The following DLG2 variants were observed in gnomAD, a reference collection of about 807,000 sequenced individuals.
The protein encoded by DLG2 is discs large MAGUK scaffold protein 2, also known as disks large homolog 2.
DLG2 carries 45 observed loss-of-function variants against 132.5 expected under a neutral mutation model. The observed-to-expected ratio is 0.34, with a 90% CI of 0.27 to 0.44. DLG2 has a LOEUF of 0.44. DLG2 is among the 20% of genes least tolerant of loss of function. DLG2 has a pLI of 1.00. For missense variants in DLG2, 1,045 were observed against 1,196.9 expected, an observed-to-expected ratio of 0.87 and a Z score of 1.87; for synonymous variants, 424 against 419.6, an observed-to-expected ratio of 1.01 and a Z score of -0.13.
At chr11:85,620,827 AAGC>A (rs1037630243) in intron 2 of DLG2, among the ~76,000 whole-genome samples, 6 of 152,270 alleles carry the variant, frequency 3.9e-5, no homozygotes, top group Admixed American at 1.3e-4. Flanking sequence ...GTGCAAGGTG[AAGC>A]AGCAAGTGCT....
At chr11:85,338,473 G>C (rs2082274084) in intron 3 of DLG2, among the ~76,000 whole-genome samples, 1 of 152,000 alleles carries the variant, frequency 6.6e-6, no homozygotes, top group Middle Eastern at 3.4e-3. Flanking sequence ...ATACAATTAG[G>C]TTCATTTCTT....
intron 6 of DLG2, among the ~76,000 whole-genome samples, chr11:84,949,316 G>A (rs7116405): frequency 0.38 from 57,791 of 151,926 alleles, 11,439 homozygotes; most frequent in East Asian, 0.65. Context: ...GGCAGGGCGA[G>A]ATCACAGGAC....
chr11:84,215,651 A>T (rs1469627573), intron 8 of DLG2, among the ~76,000 whole-genome samples: 3 of 152,182 alleles, frequency 2.0e-5, no homozygotes, highest in African/African-American at 4.8e-5. Flanking sequence ...GAGGTGCAGT[A>T]ATGATGTTAC....
intron 6 of DLG2, among the ~76,000 whole-genome samples, chr11:84,986,818 A>C (rs1319924446): frequency 1.3e-5 from 2 of 152,162 alleles, no homozygotes; most frequent in Non-Finnish European, 2.9e-5. Context: ...CTGAATGGAG[A>C]AAAGTTGAAA....
intron 3 of DLG2, among the ~76,000 whole-genome samples, chr11:85,575,243 G>A (rs923503654): frequency 1.3e-5 from 2 of 151,758 alleles, no homozygotes; most frequent in African/African-American, 4.8e-5. Context: ...TTCTCAATCA[G>A]GACTGATTGA....
chr11:85,531,749 GAC>G (rs757858048), intron 3 of DLG2, among the ~76,000 whole-genome samples: 2 of 152,126 alleles, frequency 1.3e-5, no homozygotes, highest in Non-Finnish European at 2.9e-5. Context: ...GGTGGAGAAA[GAC>G]ACACGCTGCA....
At position 85,254,006 on chromosome 11, in the gene DLG2, G is replaced by A. The variant is rs78315016; in HGVS notation, c.186+31214C>T. 2.1e-3 allele frequency among the ~76,000 whole-genome samples: 327 copies of A among 152,196 alleles called. 2 individuals are homozygous for A. Among genetic ancestry groups the A allele is most frequent in the African/African-American group, 6.2e-3 (258 of 41,538 alleles). On this transcript the variant is annotated intron_variant, in intron 4 of 27. Coordinates refer to ENST00000376104, the MANE Select transcript of DLG2 (RefSeq NM_001142699.3). ...CTTGGGTTTTTATGGGCACAGGATC[G>A]GGGGCAGGACAGGCATTGGATGGTT...
intron 3 of DLG2, among the ~76,000 whole-genome samples, chr11:85,345,355 C>G (rs908442532): frequency 5.9e-5 from 9 of 152,064 alleles, no homozygotes; most frequent in Non-Finnish European, 8.8e-5. Flanking sequence ...TTCAAAAGAA[C>G]AGGCAAGTAC....
chr11:85,366,280 C>T (rs2152908282), intron 3 of DLG2, among the ~76,000 whole-genome samples: 1 of 152,126 alleles, frequency 6.6e-6, no homozygotes, highest in East Asian at 1.9e-4. Context: ...TTCATCACTG[C>T]CTATTTTTTA....
intron 3 of DLG2, among the ~76,000 whole-genome samples, chr11:85,351,265 A>G (rs1454453264): frequency 6.6e-6 from 1 of 152,152 alleles, no homozygotes; most frequent in East Asian, 1.9e-4. Context: ...ATTTTTTATC[A>G]GTCAAACTTT....
intron 8 of DLG2, among the ~76,000 whole-genome samples, chr11:84,210,842 A>C (rs1338090386): frequency 6.6e-6 from 1 of 152,200 alleles, no homozygotes; most frequent in Non-Finnish European, 1.5e-5. Flanking sequence ...GGGAGGGCAC[A>C]GACTGAAAAA....
At chr11:84,982,020 T>C (rs965645935) in intron 6 of DLG2, among the ~76,000 whole-genome samples, 2 of 152,266 alleles carry the variant, frequency 1.3e-5, no homozygotes, top group Admixed American at 6.5e-5. Flanking sequence ...GGCAATACTT[T>C]CTACATTTTT....
chr11:85,572,202 T>G (rs535049749), intron 3 of DLG2, among the ~76,000 whole-genome samples: 5 of 152,170 alleles, frequency 3.3e-5, no homozygotes, highest in Non-Finnish European at 7.3e-5. Flanking sequence ...TACTCTGCCA[T>G]TTTTCCAGCT....
chr11:83,582,736 G>C (rs1205684207), intron 19 of DLG2, among the ~76,000 whole-genome samples: 2 of 152,186 alleles, frequency 1.3e-5, no homozygotes, highest in Non-Finnish European at 2.9e-5. Context: ...GGGAAGATTA[G>C]ATAAGTAGTA....
intron 7 of DLG2, among the ~76,000 whole-genome samples, chr11:84,383,407 C>T (rs190336033): frequency 6.6e-6 from 1 of 152,114 alleles, no homozygotes; most frequent in Admixed American, 6.5e-5. Context: ...TGATTGGCAT[C>T]TAAATAATAT....
At chr11:85,539,789 G>C (rs1476510640) in intron 3 of DLG2, among the ~76,000 whole-genome samples, 1 of 152,160 alleles carries the variant, frequency 6.6e-6, no homozygotes, top group African/African-American at 2.4e-5. Flanking sequence ...TAGTACAGGG[G>C]TTACAAGAGC....
At position 84,502,272 on chromosome 11, in the gene DLG2, TTCCTTCC is replaced by T. The variant is rs1567804837; in HGVS notation, c.519+32291_519+32297del. On this transcript the variant is annotated intron_variant, in intron 7 of 27. Coordinates refer to ENST00000376104, the MANE Select transcript of DLG2 (RefSeq NM_001142699.3). ...CTTCCTTCCTTCCTTCCTTCCTTCC[TTCCTTCC>T]TTCTTTCTTTCTTTCTTTCTTTCTT... 1.8e-4 allele frequency among the ~76,000 whole-genome samples: 9 copies of T among 50,188 alleles called. No individual in the cohort carries two copies. The East Asian group carries it at 2.8e-3, about 15-fold the overall frequency. 32.9% of individuals were successfully genotyped at this position (50,188 alleles called of 152,430 possible). A position where few individuals can be genotyped will look rare whatever the true frequency, so the allele number is the denominator to read the frequency against.
intron 3 of DLG2, among the ~76,000 whole-genome samples, chr11:85,526,883 A>C (rs77719342): frequency 0.081 from 12,392 of 152,232 alleles, 852 homozygotes; most frequent in Non-Finnish European, 0.11. Flanking sequence ...CAACATGTGA[A>C]TATAATAATA....
chr11:84,185,286 T>G (rs1409400822), intron 8 of DLG2, among the ~76,000 whole-genome samples: 10 of 152,100 alleles, frequency 6.6e-5, no homozygotes, highest in African/African-American at 9.7e-5. Context: ...AGGTCCTTCA[T>G]GTCCCTTGTA....
Sources: allele counts gnomAD v4.1 joint callset (sites outside exome capture counted in the v4.1 genomes callset), GRCh38; gene constraint gnomAD v4.1.1; transcripts MANE v1.5; gene names NCBI Gene and HGNC (gene_info 2026-07-23, HGNC 2026-07-21).